The following CNTNAP2 variants were observed in gnomAD, a reference collection of about 807,000 sequenced individuals.
The protein encoded by CNTNAP2 is contactin-associated protein-like 2.
In CNTNAP2, 98 loss-of-function variants were observed where a neutral mutation model predicts 155.2. That is an observed-to-expected ratio of 0.63 (90% CI 0.54 to 0.75). The LOEUF (loss-of-function observed/expected upper bound fraction) is 0.75, where lower values mean the gene tolerates loss of function less well. Ranked by LOEUF, CNTNAP2 falls within the 30% of genes least tolerant of loss-of-function variation. The pLI, the probability that CNTNAP2 is intolerant of heterozygous loss-of-function variation, is 0.00. For missense variants in CNTNAP2, 1,727 were observed against 1,688.1 expected, an observed-to-expected ratio of 1.02 and a Z score of -0.40; for synonymous variants, 651 against 631.2, an observed-to-expected ratio of 1.03 and a Z score of -0.47.
At chr7:146,904,373 T>G (rs1164798683) in intron 3 of CNTNAP2, among the ~76,000 whole-genome samples, 2 of 152,152 alleles carry the variant, frequency 1.3e-5, no homozygotes, top group Non-Finnish European at 2.9e-5. Context: ...CGCCACGAAA[T>G]GTGGCAGGTT....
intron 3 of CNTNAP2, among the ~76,000 whole-genome samples, chr7:147,039,082 T>A (rs1189553785): frequency 2.0e-5 from 3 of 152,164 alleles, no homozygotes; most frequent in Admixed American, 6.5e-5. Flanking sequence ...GCATAAACGA[T>A]ATATGTAATT....
intron 9 of CNTNAP2, among the ~76,000 whole-genome samples, chr7:147,312,425 C>T (rs994158223): frequency 1.4e-5 from 2 of 138,394 alleles, no homozygotes; most frequent in African/African-American, 5.6e-5. Context: ...CCCGACCCCA[C>T]AACAGTCCCC....
intron 10 of CNTNAP2, among the ~76,000 whole-genome samples, chr7:147,484,736 C>T (rs73459467): frequency 0.02 from 3,001 of 152,322 alleles, 109 homozygotes; most frequent in African/African-American, 0.069. Flanking sequence ...TTGGAGAATG[C>T]TATTTCTGAG....
intron 2 of CNTNAP2, among the ~76,000 whole-genome samples, chr7:146,818,175 T>C (rs923453971): frequency 2.0e-5 from 3 of 152,306 alleles, no homozygotes; most frequent in Admixed American, 6.5e-5. Flanking sequence ...AGAGTTTTAA[T>C]AGGTTTATGA....
chr7:146,517,261 G>C (rs1174946317), intron 1 of CNTNAP2, among the ~76,000 whole-genome samples: 2 of 151,920 alleles, frequency 1.3e-5, no homozygotes, highest in Non-Finnish European at 2.9e-5. Context: ...ATCCACTGGG[G>C]GTCTTGGTAT....
chr7:147,904,953 G>A (rs527697729), intron 14 of CNTNAP2, among the ~76,000 whole-genome samples: 156 of 151,556 alleles, frequency 1.0e-3, no homozygotes, highest in Non-Finnish European at 1.7e-3. Flanking sequence ...TTGGAAGTTG[G>A]GAATGGAGTT....
At chr7:148,231,553 C>G (rs933596960) in intron 20 of CNTNAP2, among the ~76,000 whole-genome samples, 3 of 152,142 alleles carry the variant, frequency 2.0e-5, no homozygotes, top group Non-Finnish European at 2.9e-5. Flanking sequence ...TTCCTTCCCT[C>G]CCTCTTTTTC....
intron 1 of CNTNAP2, among the ~76,000 whole-genome samples, chr7:146,573,638 G>C (rs1198888943): frequency 6.6e-6 from 1 of 152,156 alleles, no homozygotes; most frequent in African/African-American, 2.4e-5. Flanking sequence ...CCTGCATAAA[G>C]ACCTAAGAAT....
intron 1 of CNTNAP2, among the ~76,000 whole-genome samples, chr7:146,566,735 A>T (rs1403249042): frequency 1.3e-5 from 2 of 150,512 alleles, no homozygotes; most frequent in African/African-American, 2.5e-5. Flanking sequence ...ATTAAAATTA[A>T]AAAAAAGGAA....
chr7:147,884,936 T>G (rs1256357692), intron 13 of CNTNAP2, among the ~76,000 whole-genome samples: 1 of 152,244 alleles, frequency 6.6e-6, no homozygotes, highest in Non-Finnish European at 1.5e-5. Context: ...CCCCACTAAA[T>G]AGCAGGCTTG....
In CNTNAP2 at chr7:147,337,364, T is replaced by C. The variant is rs556170283; in HGVS notation, c.1498+37074T>C. The stretch of plus-strand genomic sequence containing the variant: ...CCCAGGGGCAATGGAATTGCTGAGC[T>C]AAAGCATTTCAGGACACCCTGTTCT... On this transcript the variant is annotated intron_variant, in intron 9 of 23. Coordinates refer to ENST00000361727, the MANE Select transcript of CNTNAP2 (RefSeq NM_014141.6). 5.3e-5 allele frequency among the ~76,000 whole-genome samples: 8 copies of C among 152,156 alleles called. No homozygotes were observed. In the East Asian group the frequency reaches 1.6e-3, roughly 30 times the overall value.
chr7:148,336,739 G>A (rs73745585), intron 21 of CNTNAP2, among the ~76,000 whole-genome samples: 1,548 of 152,214 alleles, frequency 0.01, 21 homozygotes, highest in African/African-American at 0.035. Context: ...GAAACTTACT[G>A]GTTTTGACCT....
chr7:147,043,984 C>G lies in CNTNAP2; in HGVS notation c.480C>G (p.Arg160=). 3 of 1,614,194 alleles carry G rather than the reference C, an allele frequency of 1.9e-6. No homozygotes were observed. Among genetic ancestry groups the G allele is most frequent in the Non-Finnish European group, 2.5e-6 (3 of 1,180,028 alleles). ...ATCCGATTATTGCCCGCTATGTGCG[C>G]ATAGTGCCTCTGGATTGGAATGGAG... The part of the protein sequence containing the change: ...LQHPIIARYV[R]IVPLDWNGEG... The change falls in exon 4 of 24, where the codon CGC becomes CGG. Residue 160 remains arginine, a synonymous_variant. Transcript: ENST00000361727.
intron 8 of CNTNAP2, among the ~76,000 whole-genome samples, chr7:147,192,426 T>C (rs1445233716): frequency 6.6e-6 from 1 of 152,212 alleles, no homozygotes; most frequent in African/African-American, 2.4e-5. Context: ...CCTACTTCTA[T>C]ATTCTGATCC....
chr7:146,940,819 G>A (rs917236670), intron 3 of CNTNAP2, among the ~76,000 whole-genome samples: 7 of 138,738 alleles, frequency 5.0e-5, no homozygotes, highest in East Asian at 3.9e-4. Context: ...GTGTGTGTGT[G>A]TATATACATA....
chr7:146,985,574 C>T (rs1421710642), intron 3 of CNTNAP2, among the ~76,000 whole-genome samples: 1 of 152,002 alleles, frequency 6.6e-6, no homozygotes, highest in Non-Finnish European at 1.5e-5. Flanking sequence ...CTCGCCTTGG[C>T]CTCCCAAAGT....
At chr7:147,704,310 AT>A in intron 13 of CNTNAP2, 1 of 166,034 alleles carries the variant, frequency 6.0e-6, no homozygotes, top group East Asian at 1.9e-4. Flanking sequence ...ATATTCTCTG[AT>A]TTTCTTGTCA....
At chr7:147,780,514 A>G (rs763984574) in intron 13 of CNTNAP2, among the ~76,000 whole-genome samples, 10 of 152,212 alleles carry the variant, frequency 6.6e-5, no homozygotes, top group Non-Finnish European at 1.3e-4. Context: ...CTTTGGAAAT[A>G]AAGTTTCCCA....
chr7:146,236,011 G>T (rs1424975741), intron 1 of CNTNAP2, among the ~76,000 whole-genome samples: 1 of 151,218 alleles, frequency 6.6e-6, no homozygotes, highest in African/African-American at 2.4e-5. Flanking sequence ...CATTATCCCT[G>T]GTATTCTATA....
Sources: gnomAD v4.1 joint callset for allele counts (sites outside exome capture counted in the v4.1 genomes callset) on GRCh38, gnomAD v4.1.1 for gene constraint, MANE v1.5 for transcripts, NCBI Gene and HGNC (gene_info 2026-07-23, HGNC 2026-07-21) for gene names.